The following ARHGAP44 variants were observed in gnomAD, a reference collection of about 807,000 sequenced individuals.
The protein encoded by ARHGAP44 is Rho GTPase activating protein 44.
In ARHGAP44, 43 loss-of-function variants were observed where a neutral mutation model predicts 106.8. That is an observed-to-expected ratio of 0.40 (90% CI 0.32 to 0.52). The LOEUF is 0.52. Ranked by LOEUF, ARHGAP44 falls within the 20% of genes least tolerant of loss-of-function variation. The probability of loss-of-function intolerance (pLI) is 0.48; values close to 1 mark genes in which losing one functional copy is unlikely to be tolerated. For missense variants in ARHGAP44, 866 were observed against 1,050.5 expected (o/e 0.82, Z 2.43); for synonymous variants, 439 against 410.3 (o/e 1.07, Z -0.85).
intron 16 of ARHGAP44, among the ~76,000 whole-genome samples, chr17:12,971,707 C>T (rs926404681): frequency 6.6e-6 from 1 of 152,150 alleles, no homozygotes; most frequent in African/African-American, 2.4e-5. Context: ...GTAGAAGGTT[C>T]TCAGACCCCA....
chr17:12,924,898 A>T (rs939887391), intron 6 of ARHGAP44, among the ~76,000 whole-genome samples: 2 of 152,158 alleles, frequency 1.3e-5, no homozygotes, highest in African/African-American at 4.8e-5. Flanking sequence ...GTACTTTGTT[A>T]TGGAAGCCCT....
intron 10 of ARHGAP44, among the ~76,000 whole-genome samples, chr17:12,945,704 C>T (rs534625207): frequency 5.3e-5 from 8 of 152,200 alleles, no homozygotes; most frequent in Non-Finnish European, 1.0e-4. Context: ...GCTGGAAATT[C>T]GAAAAGGAAT....
intron 18 of ARHGAP44, among the ~76,000 whole-genome samples, chr17:12,978,892 T>C (rs1237976316): frequency 6.6e-6 from 1 of 152,132 alleles, no homozygotes; most frequent in African/African-American, 2.4e-5. Flanking sequence ...TTTCGCCATG[T>C]TGGCCAGGCT....
At chr17:12,894,037 G>A (rs1235514931) in intron 1 of ARHGAP44, among the ~76,000 whole-genome samples, 1 of 151,834 alleles carries the variant, frequency 6.6e-6, no homozygotes, top group Non-Finnish European at 1.5e-5. Context: ...CCTCCTGGAA[G>A]CAGAAGTCCT....
At chr17:12,932,923 A>C (rs1477827045) in intron 7 of ARHGAP44, among the ~76,000 whole-genome samples, 1 of 150,948 alleles carries the variant, frequency 6.6e-6, no homozygotes, top group Admixed American at 6.6e-5. Flanking sequence ...GGTAGCCCCC[A>C]CTCCTTTTTT....
At chr17:12,929,140 A>C in intron 7 of ARHGAP44, 94 bp downstream of exon 7, 2 of 1,185,872 alleles carry the variant, frequency 1.7e-6, no homozygotes, top group Non-Finnish European at 2.4e-6. Context: ...AAACTCTGTC[A>C]GTGAGGCTCT....
intron 7 of ARHGAP44, among the ~76,000 whole-genome samples, chr17:12,938,498 C>T (rs1189681655): frequency 2.0e-5 from 3 of 147,434 alleles, no homozygotes; most frequent in African/African-American, 2.5e-5. Flanking sequence ...AATGTGATTT[C>T]ATCTGATAAA....
intron 6 of ARHGAP44, among the ~76,000 whole-genome samples, chr17:12,921,386 C>T (rs924957985): frequency 2.0e-5 from 3 of 152,160 alleles, no homozygotes; most frequent in Admixed American, 1.3e-4. Flanking sequence ...CACTCTGTAA[C>T]TCAGGCTGGA....
intron 1 of ARHGAP44, among the ~76,000 whole-genome samples, chr17:12,841,656 A>AAAAAC (rs2035411551): frequency 1.3e-5 from 2 of 150,112 alleles, no homozygotes; most frequent in African/African-American, 4.9e-5. Context: ...ACAAACAAAA[A>AAAAAC]CCACACAACC....
chr17:12,883,993 G>T (rs1033573621), intron 1 of ARHGAP44, among the ~76,000 whole-genome samples: 3 of 152,062 alleles, frequency 2.0e-5, no homozygotes, highest in East Asian at 3.9e-4. Flanking sequence ...CAGAATTCTC[G>T]TAACTTCTTG....
chr17:12,802,993 G>T (rs2034164912), intron 1 of ARHGAP44, among the ~76,000 whole-genome samples: 1 of 71,492 alleles, frequency 1.4e-5, no homozygotes, highest in African/African-American at 6.9e-5. Context: ...TTTTTTTTGA[G>T]GCAGAGTCTA....
Position 12,958,686 on chromosome 17 carries a change from T to G in ARHGAP44, c.1343-31T>G, listed in dbSNP as rs1206041230. The G allele has an allele frequency of 6.2e-7, 1 of 1,606,508 alleles. No homozygotes were observed. Among genetic ancestry groups the G allele is most frequent in the South Asian group, 1.1e-5 (1 of 90,434 alleles). ...CAGGAAGGGTGTGGCAGACCAAGAG[T>G]TCACATGTACCAATTCTTTCTTCCC... is the stretch of plus-strand genomic sequence containing the variant. On this transcript the variant is annotated intron_variant, in intron 15 of 20. Coordinates refer to ENST00000379672, the MANE Select transcript of ARHGAP44 (RefSeq NM_014859.6). The surrounding 1 kb of genome is among the most constrained non-coding windows in gnomAD (Gnocchi z 4.1).
At chr17:12,861,719 C>T (rs2036089055) in intron 1 of ARHGAP44, among the ~76,000 whole-genome samples, 1 of 144,520 alleles carries the variant, frequency 6.9e-6, no homozygotes, top group Non-Finnish European at 1.5e-5. Flanking sequence ...ACTGCAACCT[C>T]CGCCTCCTGG....
intron 6 of ARHGAP44, among the ~76,000 whole-genome samples, chr17:12,921,489 G>A (rs1387285374): frequency 3.3e-5 from 5 of 152,278 alleles, no homozygotes; most frequent in African/African-American, 1.2e-4. Context: ...TGGGACTACA[G>A]GCATGTGCCA....
intron 4 of ARHGAP44, among the ~76,000 whole-genome samples, chr17:12,912,228 T>C (rs931035856): frequency 6.6e-5 from 10 of 152,188 alleles, no homozygotes; most frequent in Non-Finnish European, 1.3e-4. Context: ...AAACAGGATG[T>C]TAATACAAAA....
chr17:12,949,296 G>A lies in ARHGAP44; in HGVS notation c.973+45G>A, dbSNP rs2038937934. ...CCTGTGTGCCATGGAGGCTCACAGG[G>A]AAGGGGTAGAGGGGAGGCTGTGTGG... On this transcript the variant is annotated intron_variant, in intron 11 of 20. Coordinates refer to ENST00000379672, the MANE Select transcript of ARHGAP44 (RefSeq NM_014859.6). This position sits in a 1 kb window ranked among gnomAD's most constrained non-coding sequence, Gnocchi z 4.1. 6.5e-7 allele frequency: 1 copy of A among 1,529,690 alleles called. No individual in the cohort carries two copies. The highest frequency in any genetic ancestry group is 1.4e-5 in the African/African-American group (1 of 72,680). 94.8% of individuals were successfully genotyped at this position (1,529,690 alleles called of 1,614,324 possible). A position where few individuals can be genotyped will look rare whatever the true frequency, so the allele number is the denominator to read the frequency against.
chr17:12,928,350 T>C (rs2038305351), intron 6 of ARHGAP44, among the ~76,000 whole-genome samples: 1 of 152,196 alleles, frequency 6.6e-6, no homozygotes. Flanking sequence ...CTTAAACCAA[T>C]GATAGAGACT....
At chr17:12,931,484 A>G (rs921124075) in intron 7 of ARHGAP44, among the ~76,000 whole-genome samples, 1 of 151,398 alleles carries the variant, frequency 6.6e-6, no homozygotes. Flanking sequence ...TGTAGTTCTA[A>G]CTTAGTCTTT....
rs71144930 is a variant in ARHGAP44, at chr17:12,861,644, C to CTTTTTTTTTTTTTTTTTTTTTTTTTTTT, written c.54-33282_54-33281insTTTTTTTTTTTTTTTTTTTTTTTTTTTT. On this transcript the variant is annotated intron_variant, in intron 1 of 20. Coordinates refer to ENST00000379672, the MANE Select transcript of ARHGAP44 (RefSeq NM_014859.6). ...AATTCCTCTTCTGCCTCCTCTTCCACTTTTTTTTTTTTTTGAGATGGAATC... is the reference window on the plus strand; with the variant it reads ...AATTCCTCTTCTGCCTCCTCTTCCACTTTTTTTTTTTTTTTTTTTTTTTTTTTTTTTTTTTTTTTTTTGAGATGGAATC... Among the ~76,000 whole-genome samples, 7 of 67,754 alleles carry CTTTTTTTTTTTTTTTTTTTTTTTTTTTT rather than the reference C, an allele frequency of 1.0e-4. 2 individuals are homozygous for CTTTTTTTTTTTTTTTTTTTTTTTTTTTT. The highest frequency in any genetic ancestry group is 0.012 in the Middle Eastern group (1 of 86). 44.4% of individuals were successfully genotyped at this position (67,754 alleles called of 152,430 possible). A position where few individuals can be genotyped will look rare whatever the true frequency, so the allele number is the denominator to read the frequency against.
Sources: allele counts gnomAD v4.1 joint callset (sites outside exome capture counted in the v4.1 genomes callset), GRCh38; gene constraint gnomAD v4.1.1; non-coding constraint Gnocchi (gnomAD v3.1); transcripts MANE v1.5; gene names NCBI Gene and HGNC (gene_info 2026-07-23, HGNC 2026-07-21).